SCRG1: variants seen among roughly 807,000 people sequenced by gnomAD.
SCRG1 encodes scrapie-responsive protein 1.
A neutral mutation model predicts 7.7 loss-of-function variants in SCRG1; 3 were observed. The observed-to-expected ratio is 0.39, with a 90% confidence interval of 0.18 to 1.01. The LOEUF (loss-of-function observed/expected upper bound fraction) is 1.01. Ranked by LOEUF, SCRG1 falls within the 50% of genes least tolerant of loss-of-function variation. The probability of loss-of-function intolerance (pLI) is 0.36; values close to 1 mark genes in which losing one functional copy is unlikely to be tolerated. For synonymous variants in SCRG1, 46 were observed against 41.2 expected, an observed-to-expected ratio of 1.12 and a Z score of -0.44; for missense variants, 110 against 117.2, an observed-to-expected ratio of 0.94 and a Z score of 0.28.
the SCRG1 span, among the ~76,000 whole-genome samples, chr4:173,465,086 T>TA: frequency 2.0e-5 from 3 of 152,168 alleles, no homozygotes; most frequent in Non-Finnish European, 4.4e-5. Flanking sequence ...CAGCTGCTGA[T>TA]AGAAGAGAGG....
At chr4:173,513,676 A>C in the SCRG1 span, among the ~76,000 whole-genome samples, 2 of 152,182 alleles carry the variant, frequency 1.3e-5, no homozygotes, top group Non-Finnish European at 2.9e-5. Context: ...ACCTTGCCCA[A>C]ATTGTATTTG....
upstream of SCRG1, among the ~76,000 whole-genome samples, chr4:173,400,316 CT>C (rs777301339): frequency 2.0e-5 from 3 of 152,118 alleles, no homozygotes; most frequent in South Asian, 2.1e-4. Context: ...GACGATGATA[CT>C]GTTAATCATC....
chr4:173,432,564 G>T, the SCRG1 span, among the ~76,000 whole-genome samples: 1 of 151,914 alleles, frequency 6.6e-6, no homozygotes, highest in Non-Finnish European at 1.5e-5. Context: ...CTGAATGCTG[G>T]CCTCAGCCCA....
At chr4:173,396,451 A>G (rs974199044) in intron 1 of SCRG1, among the ~76,000 whole-genome samples, 3 of 152,256 alleles carry the variant, frequency 2.0e-5, no homozygotes, top group African/African-American at 7.2e-5. Flanking sequence ...AGATGCCAGC[A>G]TCAAGGCAGC....
chr4:173,396,010 C>A (rs758959690), intron 1 of SCRG1, among the ~76,000 whole-genome samples: 7 of 152,134 alleles, frequency 4.6e-5, no homozygotes, highest in Non-Finnish European at 7.4e-5. Flanking sequence ...CCCTGGCTGG[C>A]CTGTGAAGAT....
chr4:173,400,710 T>A (rs1456346424), upstream of SCRG1, among the ~76,000 whole-genome samples: 1 of 152,204 alleles, frequency 6.6e-6, no homozygotes, highest in African/African-American at 2.4e-5. Context: ...ATGAAGTAGG[T>A]ACTATTATTA....
At chr4:173,476,004 G>A in the SCRG1 span, among the ~76,000 whole-genome samples, 1 of 151,858 alleles carries the variant, frequency 6.6e-6, no homozygotes, top group Non-Finnish European at 1.5e-5. Flanking sequence ...GGAAGCAGAA[G>A]GTGGTGATGG....
chr4:173,432,186 A>C, the SCRG1 span, among the ~76,000 whole-genome samples: 1 of 151,706 alleles, frequency 6.6e-6, no homozygotes, highest in Admixed American at 6.6e-5. Context: ...AGCCAGCAGT[A>C]ATTTTTCCCT....
the SCRG1 span, among the ~76,000 whole-genome samples, chr4:173,444,893 G>A: frequency 6.6e-6 from 1 of 152,074 alleles, no homozygotes; most frequent in Non-Finnish European, 1.5e-5. Flanking sequence ...CCAAGCTATG[G>A]AAATTAATAA....
At chr4:173,493,016 C>T in the SCRG1 span, among the ~76,000 whole-genome samples, 14 of 152,306 alleles carry the variant, frequency 9.2e-5, no homozygotes, top group Admixed American at 3.9e-4. Flanking sequence ...CCCCAGTACA[C>T]ATGCTCTCCC....
At chr4:173,435,191 A>G in the SCRG1 span, among the ~76,000 whole-genome samples, 110 of 152,084 alleles carry the variant, frequency 7.2e-4, no homozygotes, top group Non-Finnish European at 1.2e-3. Context: ...CTCCACCACC[A>G]CTTAAAGTAT....
the SCRG1 span, among the ~76,000 whole-genome samples, chr4:173,513,570 C>A: frequency 6.6e-6 from 1 of 152,172 alleles, no homozygotes; most frequent in South Asian, 2.1e-4. Flanking sequence ...GTAACAACAA[C>A]AAAAGAAGTC....
chr4:173,427,567 C>G, the SCRG1 span, among the ~76,000 whole-genome samples: 1 of 152,180 alleles, frequency 6.6e-6, no homozygotes, highest in Non-Finnish European at 1.5e-5. Flanking sequence ...CCACACATAG[C>G]CTATGGGAAG....
the SCRG1 span, among the ~76,000 whole-genome samples, chr4:173,488,957 C>T: frequency 6.6e-6 from 1 of 152,164 alleles, no homozygotes; most frequent in Non-Finnish European, 1.5e-5. Context: ...CTTGACAAAA[C>T]ATGACACAGC....
the SCRG1 span, among the ~76,000 whole-genome samples, chr4:173,473,920 C>T: frequency 3.3e-5 from 5 of 152,204 alleles, no homozygotes; most frequent in Non-Finnish European, 7.3e-5. Context: ...TGGCTCACGC[C>T]TGTAATCCCA....
chr4:173,439,134 A>AAACAG, the SCRG1 span, among the ~76,000 whole-genome samples: 1 of 152,218 alleles, frequency 6.6e-6, no homozygotes, highest in Non-Finnish European at 1.5e-5. Flanking sequence ...ACAGTTGAAA[A>AAACAG]TGGCAGAGTC....
the SCRG1 span, among the ~76,000 whole-genome samples, chr4:173,503,261 TG>T: frequency 2.0e-5 from 3 of 152,210 alleles, no homozygotes; most frequent in African/African-American, 7.2e-5. The surrounding 1 kb of genome is among the most constrained non-coding windows in gnomAD (Gnocchi z 6.4). Flanking sequence ...TTGGAGTTTT[TG>T]CTTGGGATCC....
the SCRG1 span, among the ~76,000 whole-genome samples, chr4:173,517,884 CT>C: frequency 6.6e-6 from 1 of 152,358 alleles, no homozygotes; most frequent in South Asian, 2.1e-4. Context: ...CGAAAGCTCC[CT>C]CCTGGGCAGG....
the SCRG1 span, among the ~76,000 whole-genome samples, chr4:173,459,061 G>T: frequency 1.3e-5 from 2 of 152,074 alleles, no homozygotes; most frequent in South Asian, 4.1e-4. Flanking sequence ...TTCAGCAAAA[G>T]GATATACAAC....
Sources: gnomAD v4.1 joint callset for allele counts (sites outside exome capture counted in the v4.1 genomes callset) on GRCh38, gnomAD v4.1.1 for gene constraint, Gnocchi (gnomAD v3.1) non-coding constraint, MANE v1.5 for transcripts, NCBI Gene and HGNC (gene_info 2026-07-23, HGNC 2026-07-21) for gene names.